The following PCDHGA12 variants were observed in gnomAD, a reference collection of about 807,000 sequenced individuals.
PCDHGA12 encodes the protein protocadherin gamma-A12.
PCDHGA12 carries 43 observed loss-of-function variants against 61.1 expected under a neutral mutation model. That is an observed-to-expected ratio of 0.70 (90% CI 0.55 to 0.91). The LOEUF (loss-of-function observed/expected upper bound fraction) is 0.91, where lower values mean the gene tolerates loss of function less well. Among genes scored for constraint, PCDHGA12 ranks in the 40% least tolerant of loss-of-function variants. The pLI is 0.00. For synonymous variants in PCDHGA12, 520 were observed against 542.9 expected (o/e 0.96, Z 0.59); for missense variants, 1,236 against 1,227.7 (o/e 1.01, Z -0.10).
At chr5:141,456,788 C>A (rs2098888156) in intron 1 of PCDHGA12, among the ~76,000 whole-genome samples, 1 of 152,088 alleles carries the variant, frequency 6.6e-6, no homozygotes, top group Admixed American at 6.5e-5. Flanking sequence ...CATGGCAAAA[C>A]CCCATCTCTA....
rs143530538 is a variant in PCDHGA12 at position 141,490,323 on chromosome 5, G to A, written c.2425-4484G>A. 18 of 1,614,102 alleles carry A rather than the reference G, an allele frequency of 1.1e-5. No individual in the cohort carries two copies. Among genetic ancestry groups the A allele is most frequent in the Non-Finnish European group, 1.4e-5 (17 of 1,180,056 alleles). ...CCTCTTTGGCCAACCCTGTCCTAGA[G>A]AGCACACCAGTGGGCACAGTAGTGG... On this transcript the variant is annotated intron_variant, in intron 1 of 3. Transcript: ENST00000252085. This position sits in a 1 kb window ranked among gnomAD's most constrained non-coding sequence, Gnocchi z 5.4.
chr5:141,431,256 C>T lies in PCDHGA12; in HGVS notation c.497C>T (p.Ser166Phe). Reference protein sequence around the residue: ...HAWDPDIGKNSLQSYELSPNT... With the variant: ...HAWDPDIGKNFLQSYELSPNT... The stretch of plus-strand genomic sequence containing the variant: ...TGGGATCCGGATATCGGGAAGAACT[C>T]TCTGCAGAGCTACGAGCTCAGCCCG... The change falls in exon 1 of 4, where the codon TCT becomes TTT. Residue 166 changes from serine to phenylalanine, a missense_variant. By Grantham distance (155) the Ser-to-Phe change is radical. Transcript: ENST00000252085. This position sits in a 1 kb window ranked among gnomAD's most constrained non-coding sequence, Gnocchi z 4.8. The T allele has an allele frequency of 6.2e-7, 1 of 1,614,194 alleles. No homozygotes were observed. Among genetic ancestry groups the T allele is most frequent in the South Asian group, 1.1e-5 (1 of 91,088 alleles).
rs1399844519 is a variant in PCDHGA12 at position 141,477,484 on chromosome 5, A to G, written c.2425-17323A>G. 1.2e-6 allele frequency: 2 copies of G among 1,614,014 alleles called. No homozygotes were observed. The highest frequency in any genetic ancestry group is 1.7e-6 in the Non-Finnish European group (2 of 1,180,006). ...CCGACATCAATGACAACCCTCCACAATCTTCTCAATCTTCCTACGACGTTT... is the reference window on the plus strand; with the variant it reads ...CCGACATCAATGACAACCCTCCACAGTCTTCTCAATCTTCCTACGACGTTT... On this transcript the variant is annotated intron_variant, in intron 1 of 3. Coordinates refer to ENST00000252085, the MANE Select transcript of PCDHGA12 (RefSeq NM_003735.3). This position sits in a 1 kb window ranked among gnomAD's most constrained non-coding sequence, Gnocchi z 4.9.
At chr5:141,461,430 A>G (rs1239117668) in intron 1 of PCDHGA12, among the ~76,000 whole-genome samples, 2 of 151,992 alleles carry the variant, frequency 1.3e-5, no homozygotes, top group African/African-American at 4.8e-5. Context: ...GGCCATTTGT[A>G]TACCTTCTTT....
rs2099692694 is a variant in PCDHGA12, at chr5:141,489,817, GAGCTGGTGCTAGAGCAGC to G, written c.2425-4983_2425-4966del. On this transcript the variant is annotated intron_variant, in intron 1 of 3. Transcript: ENST00000252085. This position sits in a 1 kb window ranked among gnomAD's most constrained non-coding sequence, Gnocchi z 4.5. ...CCTAAAAGATGGGAAGCCATTCCCA[GAGCTGGTGCTAGAGCAGC>G]AGCTGGATCGTGAAGCCCAGGCAAG... 6 of 1,613,992 alleles carry G rather than the reference GAGCTGGTGCTAGAGCAGC, an allele frequency of 3.7e-6. No individual in the cohort carries two copies. Among genetic ancestry groups the G allele is most frequent in the Non-Finnish European group, 5.1e-6 (6 of 1,179,944 alleles).
intron 1 of PCDHGA12, among the ~76,000 whole-genome samples, chr5:141,473,431 G>C (rs541546681): frequency 6.6e-6 from 1 of 152,148 alleles, no homozygotes; most frequent in South Asian, 2.1e-4. Context: ...CAGATACTTT[G>C]CTTATGCAAA....
chr5:141,442,700 T>TC (rs1388243183), intron 1 of PCDHGA12, among the ~76,000 whole-genome samples: 5 of 152,198 alleles, frequency 3.3e-5, no homozygotes, highest in Non-Finnish European at 7.3e-5. Flanking sequence ...CAGACAAGAG[T>TC]ATCAGACATG....
In PCDHGA12 at chr5:141,476,824, C is replaced by A; in HGVS notation, c.2425-17983C>A. On this transcript the variant is annotated intron_variant, in intron 1 of 3. Coordinates refer to ENST00000252085, the MANE Select transcript of PCDHGA12 (RefSeq NM_003735.3). This position sits in a 1 kb window ranked among gnomAD's most constrained non-coding sequence, Gnocchi z 7.6. Reference sequence around the variant, plus strand: ...TGCCTATTCACATCAAGGTGCTGGACGCGAATGACAATGCGCCTGTCTTCA... The same window carrying A: ...TGCCTATTCACATCAAGGTGCTGGAAGCGAATGACAATGCGCCTGTCTTCA... The A allele has an allele frequency of 1.2e-6, 2 of 1,613,588 alleles. No individual in the cohort carries two copies. The highest frequency in any genetic ancestry group is 1.7e-6 in the Non-Finnish European group (2 of 1,180,036).
intron 2 of PCDHGA12, among the ~76,000 whole-genome samples, chr5:141,495,270 G>C (rs1428903664): frequency 1.3e-5 from 2 of 152,178 alleles, no homozygotes; most frequent in Non-Finnish European, 2.9e-5. Context: ...GCATTTGACC[G>C]GAGGAGGCGG....
rs187873649 is a variant in PCDHGA12, at chr5:141,469,715, G to A, written c.2425-25092G>A. ...TATGACCTAGTAATCACACTATTAG[G>A]AATTTATCATAAATACACACCTCAA... On this transcript the variant is annotated intron_variant, in intron 1 of 3. Coordinates refer to ENST00000252085, the MANE Select transcript of PCDHGA12 (RefSeq NM_003735.3). Among the ~76,000 whole-genome samples, 552 of 152,160 alleles carry A rather than the reference G, an allele frequency of 3.6e-3. 1 individual carries two copies. Among genetic ancestry groups the A allele is most frequent in the Non-Finnish European group, 5.8e-3 (397 of 68,008 alleles).
At chr5:141,436,327 C>T (rs1384222077) in intron 1 of PCDHGA12, among the ~76,000 whole-genome samples, 1 of 152,098 alleles carries the variant, frequency 6.6e-6, no homozygotes, top group Admixed American at 6.5e-5. Flanking sequence ...ACTGTTAGAC[C>T]ATATCTCAAA....
intron 1 of PCDHGA12, 84 bp downstream of exon 1, chr5:141,433,267 C>T (rs1462399366): frequency 7.7e-7 from 1 of 1,305,096 alleles, no homozygotes; most frequent in Non-Finnish European, 1.1e-6. Context: ...GATCATAGCT[C>T]ACTGCAGCCT....
intron 1 of PCDHGA12, among the ~76,000 whole-genome samples, chr5:141,447,321 G>C (rs148203274): frequency 3.9e-5 from 6 of 152,068 alleles, no homozygotes; most frequent in Admixed American, 6.5e-5. Flanking sequence ...TGTATTTTTA[G>C]TAGAGACGGG....
chr5:141,460,649 A>G (rs1171722531), intron 1 of PCDHGA12, among the ~76,000 whole-genome samples: 2 of 152,152 alleles, frequency 1.3e-5, no homozygotes, highest in Non-Finnish European at 2.9e-5. Flanking sequence ...GTGTTTACAC[A>G]TATGTAACTG....
intron 1 of PCDHGA12, among the ~76,000 whole-genome samples, chr5:141,494,177 TG>T (rs2099752471): frequency 6.6e-6 from 1 of 152,176 alleles, no homozygotes; most frequent in Non-Finnish European, 1.5e-5. Flanking sequence ...GGGTGAGAAG[TG>T]TCCCGGGACT....
rs757308340 is a variant in PCDHGA12, at chr5:141,487,575, G to A, written c.2425-7232G>A. ...GCACCTATGGCAGGGGAGCCTGTTC[G>A]CCCAAGCTGCCCACCCTCTGATCTT... On this transcript the variant is annotated intron_variant, in intron 1 of 3. Coordinates refer to ENST00000252085, the MANE Select transcript of PCDHGA12 (RefSeq NM_003735.3). This position sits in a 1 kb window ranked among gnomAD's most constrained non-coding sequence, Gnocchi z 5.0. The A allele has an allele frequency of 3.1e-6, 5 of 1,614,018 alleles. No homozygotes were observed. In the African/African-American group the frequency reaches 4.0e-5, roughly 13 times the overall value.
chr5:141,504,848 C>G (rs181277525), intron 2 of PCDHGA12, among the ~76,000 whole-genome samples: 1 of 152,236 alleles, frequency 6.6e-6, no homozygotes, highest in Non-Finnish European at 1.5e-5. Context: ...CTGGAACATT[C>G]TCTTCCATTT....
intron 3 of PCDHGA12, among the ~76,000 whole-genome samples, chr5:141,508,789 A>C: frequency 1.4e-5 from 2 of 145,944 alleles, no homozygotes; most frequent in African/African-American, 2.6e-5. Context: ...CCCCTAAATC[A>C]CTCTGGAATC....
Position 141,489,068 on chromosome 5 carries a change from G to GGCC in PCDHGA12, c.2425-5739_2425-5738insGCC. The GGCC allele has an allele frequency of 3.4e-6, 1 of 291,556 alleles. No individual in the cohort carries two copies. The allele number at this position is 291,556 out of a possible 1,614,324, so 18.1% of individuals were successfully genotyped here. A position where few individuals can be genotyped will look rare whatever the true frequency, so the allele number is the denominator to read the frequency against. ...CTCAAATTCAGCTCCCCTCCCCCCT[G>GGCC]CCCACCCCCGCCACTCGGTGACTAA... On this transcript the variant is annotated intron_variant, in intron 1 of 3. Coordinates refer to ENST00000252085, the MANE Select transcript of PCDHGA12 (RefSeq NM_003735.3). The surrounding 1 kb of genome is among the most constrained non-coding windows in gnomAD (Gnocchi z 4.5).
Sources: gnomAD v4.1 joint callset for allele counts (sites outside exome capture counted in the v4.1 genomes callset) on GRCh38, gnomAD v4.1.1 for gene constraint, Gnocchi (gnomAD v3.1) non-coding constraint, MANE v1.5 for transcripts, NCBI Gene and HGNC (gene_info 2026-07-23, HGNC 2026-07-21) for gene names.